Variants in UBOX5 observed in about 807,000 individuals in gnomAD.
UBOX5 encodes RING finger protein 37.
In UBOX5, 28 loss-of-function variants were observed where a neutral mutation model predicts 39.0. The observed-to-expected ratio is 0.72, with a 90% confidence interval of 0.53 to 0.98. UBOX5 has a LOEUF of 0.98. Ranked by LOEUF, UBOX5 falls within the 50% of genes least tolerant of loss-of-function variation. The pLI is 0.00. For missense variants in UBOX5, 585 were observed against 674.4 expected (o/e 0.87, Z 1.47); for synonymous variants, 283 against 275.5 (o/e 1.03, Z -0.27).
intron 1 of UBOX5, among the ~76,000 whole-genome samples, chr20:3,126,348 G>A (rs2066388025): frequency 1.3e-5 from 2 of 151,982 alleles, no homozygotes; most frequent in African/African-American, 4.8e-5. Context: ...CTAATCTCAA[G>A]TACCCAGGGA....
intron 1 of UBOX5, chr20:3,146,896 C>T: frequency 6.2e-7 from 1 of 1,614,216 alleles, no homozygotes; most frequent in East Asian, 2.2e-5. Flanking sequence ...CAAGCCGAGC[C>T]AGCTGCCGCC....
intron 1 of UBOX5, among the ~76,000 whole-genome samples, chr20:3,152,407 C>CG (rs2066639298): frequency 6.6e-6 from 1 of 151,836 alleles, no homozygotes; most frequent in Admixed American, 6.6e-5. Flanking sequence ...GAGGCTGAGG[C>CG]GGGAGAATCA....
intron 1 of UBOX5, among the ~76,000 whole-genome samples, chr20:3,141,146 T>C (rs1459944545): frequency 6.6e-6 from 1 of 151,670 alleles, no homozygotes; most frequent in Non-Finnish European, 1.5e-5. Context: ...CTTGAACTCC[T>C]GACCTCAGGT....
chr20:3,154,637 C>T (rs1007481644), intron 1 of UBOX5, among the ~76,000 whole-genome samples: 1 of 151,946 alleles, frequency 6.6e-6, no homozygotes, highest in African/African-American at 2.4e-5. Context: ...GAGCTGTGAT[C>T]CTGCTATGGC....
At chr20:3,138,090 T>C (rs2066486915) in intron 1 of UBOX5, among the ~76,000 whole-genome samples, 1 of 152,110 alleles carries the variant, frequency 6.6e-6, no homozygotes, top group Non-Finnish European at 1.5e-5. Context: ...CTGGCCAACA[T>C]GGTGAAATGC....
intron 1 of UBOX5, among the ~76,000 whole-genome samples, chr20:3,157,903 GT>G (rs1282973769): frequency 6.7e-6 from 1 of 148,164 alleles, no homozygotes; most frequent in African/African-American, 2.5e-5. Flanking sequence ...GAATTCTTTT[GT>G]TTTTTTTTTC....
chr20:3,158,234 G>A (rs2066709461), intron 1 of UBOX5, among the ~76,000 whole-genome samples: 1 of 152,012 alleles, frequency 6.6e-6, no homozygotes, highest in South Asian at 2.1e-4. Flanking sequence ...GCCTCCCAAA[G>A]TGCTGGGATT....
chr20:3,145,038 A>AAAGGAATCAGCAACTAAGGAC (rs1173476962), intron 1 of UBOX5, among the ~76,000 whole-genome samples: 3 of 152,246 alleles, frequency 2.0e-5, no homozygotes, highest in Non-Finnish European at 4.4e-5. Flanking sequence ...TCTTAAAGCA[A>AAAGGAATCAGCAACTAAGGAC]AAGGAATCAG....
At chr20:3,154,588 T>C (rs1375902706) in intron 1 of UBOX5, among the ~76,000 whole-genome samples, 3 of 151,916 alleles carry the variant, frequency 2.0e-5, no homozygotes, top group Non-Finnish European at 2.9e-5. Context: ...GAGGTAGAAG[T>C]GGGAAGGTTG....
intron 1 of UBOX5, among the ~76,000 whole-genome samples, chr20:3,130,437 G>A (rs1172271577): frequency 6.7e-6 from 1 of 150,264 alleles, no homozygotes; most frequent in Non-Finnish European, 1.5e-5. Flanking sequence ...CCTCAAATTC[G>A]TGAGCTCAAG....
At chr20:3,133,977 A>C (rs1435732769) in intron 1 of UBOX5, among the ~76,000 whole-genome samples, 1 of 152,000 alleles carries the variant, frequency 6.6e-6, no homozygotes, top group Non-Finnish European at 1.5e-5. Flanking sequence ...GGCTCTTCTC[A>C]AACTCCTGGG....
Position 3,109,483 on chromosome 20 carries a change from C to G in UBOX5, c.*623G>C, listed in dbSNP as rs1357406205. The G allele has an allele frequency of 6.5e-6, 1 of 154,396 alleles. No homozygotes were observed. The highest frequency in any genetic ancestry group is 1.4e-5 in the Non-Finnish European group (1 of 69,338). 9.6% of individuals were successfully genotyped at this position (154,396 alleles called of 1,614,324 possible). On this transcript the variant is annotated 3_prime_UTR_variant, in exon 5 of 5. Coordinates refer to ENST00000217173, the MANE Select transcript of UBOX5 (RefSeq NM_014948.4). ...AGTTTGTGTCCTTTCAGGTCATCGA[C>G]AGGAATGACAGCCTGGCAAGCTGCA...
At chr20:3,140,356 T>C (rs780715194) in intron 1 of UBOX5, among the ~76,000 whole-genome samples, 37 of 152,032 alleles carry the variant, frequency 2.4e-4, no homozygotes, top group Non-Finnish European at 4.9e-4. Context: ...ATGTATAGGC[T>C]CAAAACAAGG....
At chr20:3,131,158 A>G (rs1049045854) in intron 1 of UBOX5, among the ~76,000 whole-genome samples, 5 of 151,792 alleles carry the variant, frequency 3.3e-5, no homozygotes, top group African/African-American at 7.3e-5. Context: ...GAACCTAGGA[A>G]GCAGAGGTTG....
At chr20:3,115,916 A>C (rs1332486074) in intron 3 of UBOX5, among the ~76,000 whole-genome samples, 1 of 152,010 alleles carries the variant, frequency 6.6e-6, no homozygotes, top group Non-Finnish European at 1.5e-5. Context: ...GGTGTGCGCC[A>C]CCACGCCTGG....
chr20:3,116,275 T>A (rs2066293167), intron 3 of UBOX5, among the ~76,000 whole-genome samples: 1 of 152,156 alleles, frequency 6.6e-6, no homozygotes, highest in African/African-American at 2.4e-5. Flanking sequence ...CAAAGCAGTT[T>A]TTACCGAATA....
At chr20:3,123,821 AC>A (rs1035929435) in intron 1 of UBOX5, among the ~76,000 whole-genome samples, 5 of 152,252 alleles carry the variant, frequency 3.3e-5, no homozygotes, top group African/African-American at 1.2e-4. Flanking sequence ...GTCATTTAAT[AC>A]TTGTCAATGC....
Position 3,147,429 on chromosome 20 carries a change from A to C in UBOX5, c.-42+12337T>G, listed in dbSNP as rs1555764388. On this transcript the variant is annotated intron_variant, in intron 1 of 4. Coordinates refer to ENST00000217173, the MANE Select transcript of UBOX5 (RefSeq NM_014948.4). ...TTTGAATTCATATCCTTCTCTGCTA[A>C]ATACCACAGCAATTCAGACCCCTCT... 7 of 1,614,234 alleles carry C rather than the reference A, an allele frequency of 4.3e-6. No homozygotes were observed. In the East Asian group the frequency reaches 1.6e-4, roughly 36 times the overall value.
At chr20:3,152,428 G>T (rs969588512) in intron 1 of UBOX5, among the ~76,000 whole-genome samples, 11 of 152,032 alleles carry the variant, frequency 7.2e-5, no homozygotes, top group Admixed American at 3.9e-4. Flanking sequence ...CTTGAACCTG[G>T]GAGGCAGAGG....
Sources: allele counts gnomAD v4.1 joint callset (sites outside exome capture counted in the v4.1 genomes callset), GRCh38; gene constraint gnomAD v4.1.1; transcripts MANE v1.5; gene names NCBI Gene and HGNC (gene_info 2026-07-23, HGNC 2026-07-21).